Variants in TCF7L1 observed in about 807,000 individuals in gnomAD.
The protein encoded by TCF7L1 is transcription factor 7 like 1.
Under a neutral mutation model 63.7 loss-of-function variants are expected in TCF7L1, and 18 were observed. The ratio of observed to expected loss-of-function variants is 0.28; its 90% CI spans 0.20 to 0.42. The LOEUF (loss-of-function observed/expected upper bound fraction) is 0.42, where lower values mean the gene tolerates loss of function less well. TCF7L1 is among the 10% of genes least tolerant of loss of function. TCF7L1 has a pLI of 1.00. For missense variants in TCF7L1, 654 were observed against 779.3 expected (o/e 0.84, Z 1.91); for synonymous variants, 355 against 340.9 (o/e 1.04, Z -0.46).
intron 3 of TCF7L1, among the ~76,000 whole-genome samples, chr2:85,264,857 A>G (rs1180436433): frequency 6.6e-6 from 1 of 152,222 alleles, no homozygotes; most frequent in Non-Finnish European, 1.5e-5. Context: ...TGTTTATGGC[A>G]TATGGGTTAT....
At position 85,144,749 on chromosome 2, in the gene TCF7L1, GTA is replaced by G. The variant is rs56280423; in HGVS notation, c.441+10301_441+10302del. ...TGTGTGTGTGTGTGTGTGTGTGTGTGTATGTGTGTGTGTGTGTATGTATGTTT... is the reference window on the plus strand; with the variant it reads ...TGTGTGTGTGTGTGTGTGTGTGTGTGTGTGTGTGTGTGTGTATGTATGTTT... On this transcript the variant is annotated intron_variant, in intron 3 of 11. Coordinates refer to ENST00000282111, the MANE Select transcript of TCF7L1 (RefSeq NM_031283.3). Among the ~76,000 whole-genome samples, 1,435 of 147,006 alleles carry G rather than the reference GTA, an allele frequency of 9.8e-3. 9 individuals carry two copies. The highest frequency in any genetic ancestry group is 0.023 in the South Asian group (102 of 4,522).
intron 3 of TCF7L1, among the ~76,000 whole-genome samples, chr2:85,143,224 T>G (rs1677788351): frequency 6.6e-6 from 1 of 152,170 alleles, no homozygotes; most frequent in Non-Finnish European, 1.5e-5. Context: ...TCACCCTAAT[T>G]GTAGAAAATA....
chr2:85,200,323 A>G (rs1269338683), intron 3 of TCF7L1, among the ~76,000 whole-genome samples: 1 of 152,218 alleles, frequency 6.6e-6, no homozygotes, highest in Non-Finnish European at 1.5e-5. Context: ...TCGAAAATCC[A>G]TGTATAACTT....
At chr2:85,183,443 A>T (rs1480608389) in intron 3 of TCF7L1, among the ~76,000 whole-genome samples, 1 of 152,112 alleles carries the variant, frequency 6.6e-6, no homozygotes, top group African/African-American at 2.4e-5. Flanking sequence ...TCAGATCATC[A>T]TTGGACCTGA....
chr2:85,284,302 G>A (rs568458957), intron 4 of TCF7L1, among the ~76,000 whole-genome samples: 5 of 152,260 alleles, frequency 3.3e-5, no homozygotes, highest in African/African-American at 4.8e-5. Flanking sequence ...GAGCCACCGC[G>A]CCCGGCCGAA....
chr2:85,258,710 C>T (rs1055334466), intron 3 of TCF7L1, among the ~76,000 whole-genome samples: 7 of 152,178 alleles, frequency 4.6e-5, no homozygotes, highest in South Asian at 2.1e-4. Context: ...AGCGTATGGG[C>T]TTGCATCTAT....
intron 3 of TCF7L1, among the ~76,000 whole-genome samples, chr2:85,183,382 C>G (rs1035323205): frequency 2.6e-5 from 4 of 152,126 alleles, no homozygotes; most frequent in Admixed American, 6.5e-5. Flanking sequence ...CGTGGTGTCC[C>G]TAGTCCAAGC....
chr2:85,229,283 C>T (rs1263153494), intron 3 of TCF7L1, among the ~76,000 whole-genome samples: 1 of 152,040 alleles, frequency 6.6e-6, no homozygotes, highest in Non-Finnish European at 1.5e-5. Context: ...GGAGGCGGAG[C>T]TTGCAGTGAG....
At chr2:85,252,867 TG>T (rs1419759366) in intron 3 of TCF7L1, among the ~76,000 whole-genome samples, 1 of 152,174 alleles carries the variant, frequency 6.6e-6, no homozygotes, top group Non-Finnish European at 1.5e-5. Context: ...GTTGAATGGA[TG>T]GCAGCTCAAG....
intron 3 of TCF7L1, among the ~76,000 whole-genome samples, chr2:85,184,028 A>G (rs1678860519): frequency 6.6e-6 from 1 of 152,212 alleles, no homozygotes; most frequent in South Asian, 2.1e-4. Flanking sequence ...ACAAGGTGTC[A>G]TTCCAGGAAG....
intron 3 of TCF7L1, among the ~76,000 whole-genome samples, chr2:85,146,189 T>C (rs980999018): frequency 2.6e-5 from 4 of 152,220 alleles, no homozygotes; most frequent in African/African-American, 9.6e-5. Flanking sequence ...CTTCCTACAC[T>C]GAATTCTTGT....
At chr2:85,283,603 C>T in intron 4 of TCF7L1, 25 bp downstream of exon 4, 1 of 1,613,258 alleles carries the variant, frequency 6.2e-7, no homozygotes, top group Non-Finnish European at 8.5e-7. Context: ...CCTTAAAGCA[C>T]CAAAGGGCCA....
intron 3 of TCF7L1, among the ~76,000 whole-genome samples, chr2:85,162,444 A>G (rs905471924): frequency 1.3e-5 from 2 of 152,056 alleles, no homozygotes; most frequent in East Asian, 1.9e-4. Flanking sequence ...GTCAGGCACT[A>G]CTTTACCCAA....
At position 85,305,307 on chromosome 2, in the gene TCF7L1, C is replaced by T. The variant is rs755412667; in HGVS notation, c.893C>T (p.Pro298Leu). 1 of 1,614,048 alleles carries T rather than the reference C, an allele frequency of 6.2e-7. No individual in the cohort carries two copies. Among genetic ancestry groups the T allele is most frequent in the Non-Finnish European group, 8.5e-7 (1 of 1,179,996 alleles). The change falls in exon 8 of 12, where the codon CCT becomes CTT. Residue 298 changes from proline to leucine, a missense_variant. Pro to Leu is a moderately conservative substitution (Grantham distance 98, BLOSUM62 -3). Around this residue, in one of 3 missense-constraint regions of TCF7L1, gnomAD observed 404 missense variants for 454.8 expected, o/e 0.89. Transcript: ENST00000282111. ...FSPHMVAPAH[P>L]GLPTSGIPHP... ...CCTCACATGGTGGCTCCTGCCCACC[C>T]TGGCCTGCCCACCTCAGGGATCCCC...
intron 3 of TCF7L1, among the ~76,000 whole-genome samples, chr2:85,222,019 A>G (rs1325017384): frequency 6.6e-6 from 1 of 151,914 alleles, no homozygotes; most frequent in Non-Finnish European, 1.5e-5. Flanking sequence ...AGGGAAAGAG[A>G]AAGACTCCTA....
At chr2:85,208,233 T>G (rs1006987340) in intron 3 of TCF7L1, among the ~76,000 whole-genome samples, 2 of 152,174 alleles carry the variant, frequency 1.3e-5, no homozygotes, top group Non-Finnish European at 2.9e-5. Context: ...ACTTAGTATA[T>G]TTTCAGCCTA....
chr2:85,247,434 G>T (rs1573008742), intron 3 of TCF7L1, among the ~76,000 whole-genome samples: 1 of 152,162 alleles, frequency 6.6e-6, no homozygotes, highest in East Asian at 1.9e-4. Context: ...TTATAAGAAG[G>T]AATCTCTTCC....
intron 3 of TCF7L1, among the ~76,000 whole-genome samples, chr2:85,229,160 C>T (rs1272418092): frequency 1.3e-5 from 2 of 152,068 alleles, no homozygotes; most frequent in Non-Finnish European, 2.9e-5. Context: ...TCCTGGCCAA[C>T]ATGGTGAAAC....
chr2:85,144,850 G>A (rs928985055), intron 3 of TCF7L1, among the ~76,000 whole-genome samples: 7 of 151,886 alleles, frequency 4.6e-5, no homozygotes, highest in Middle Eastern at 3.4e-3. Flanking sequence ...TTGGGAGGCC[G>A]AGGCGGGAGG....
Sources: gnomAD v4.1 joint callset for allele counts (sites outside exome capture counted in the v4.1 genomes callset) on GRCh38, gnomAD v4.1.1 for gene constraint, gnomAD v4.1.1 regional missense constraint, MANE v1.5 for transcripts, NCBI Gene and HGNC (gene_info 2026-07-23, HGNC 2026-07-21) for gene names.